The following ANKRD62 variants were observed in gnomAD, a reference collection of about 807,000 sequenced individuals.
ANKRD62 encodes ankyrin repeat domain-containing protein 62.
Under a neutral mutation model 98.8 loss-of-function variants are expected in ANKRD62, and 61 were observed. The observed-to-expected ratio is 0.62, with a 90% confidence interval of 0.50 to 0.76. ANKRD62 has a LOEUF of 0.76. Ranked by LOEUF, ANKRD62 falls within the 30% of genes least tolerant of loss-of-function variation. The pLI is 0.00. For missense variants in ANKRD62, 933 were observed against 1,082.9 expected (o/e 0.86, Z 1.94); for synonymous variants, 341 against 367.9 (o/e 0.93, Z 0.84).
At chr18:12,146,109 T>TAGCACAGCAC in the ANKRD62 span, among the ~76,000 whole-genome samples, 1 of 151,956 alleles carries the variant, frequency 6.6e-6, no homozygotes, top group Admixed American at 6.5e-5. Flanking sequence ...GTAGAAGTGG[T>TAGCACAGCAC]AGCACAGCAC....
chr18:12,099,798 A>G (rs1219867023), intron 6 of ANKRD62, 116 bp downstream of exon 6: 2 of 447,972 alleles, frequency 4.5e-6, no homozygotes, highest in Non-Finnish European at 7.4e-6. Flanking sequence ...AATTGAATGT[A>G]TATTTTTTAA....
At chr18:12,170,581 T>C in the ANKRD62 span, among the ~76,000 whole-genome samples, 17 of 152,348 alleles carry the variant, frequency 1.1e-4, no homozygotes, top group Non-Finnish European at 2.2e-4. Flanking sequence ...AAGTGCAATG[T>C]GGTGCTGAGA....
At chr18:12,110,358 C>T (rs1027241515) in intron 8 of ANKRD62, among the ~76,000 whole-genome samples, 3 of 152,052 alleles carry the variant, frequency 2.0e-5, no homozygotes, top group African/African-American at 4.8e-5. Flanking sequence ...TAAGCATGAG[C>T]AAAATGATAA....
the ANKRD62 span, among the ~76,000 whole-genome samples, chr18:12,141,552 A>G: frequency 4.6e-4 from 67 of 146,946 alleles, no homozygotes; most frequent in East Asian, 8.7e-3. Context: ...CAGCTCCTGT[A>G]TTATTCTATT....
At chr18:12,150,274 T>C in the ANKRD62 span, among the ~76,000 whole-genome samples, 1 of 152,038 alleles carries the variant, frequency 6.6e-6, no homozygotes, top group Non-Finnish European at 1.5e-5. Flanking sequence ...CCAAAAGACA[T>C]GAACAAAACC....
At position 12,096,266 on chromosome 18, in the gene ANKRD62, A is replaced by T; in HGVS notation, c.578A>T (p.Lys193Ile). ...KEQMVAFLLKKKPDLTAIDNF... is the reference protein window; with the variant it reads ...KEQMVAFLLKIKPDLTAIDNF... Reference sequence around the variant, plus strand: ...CAAATGGTGGCATTTTTGTTGAAGAAAAAACCAGATTTAACTGCAATAGAT... The same window carrying T: ...CAAATGGTGGCATTTTTGTTGAAGATAAAACCAGATTTAACTGCAATAGAT... The change falls in exon 4 of 14, where the codon AAA becomes ATA. Residue 193 changes from lysine (K) to isoleucine (I), a missense_variant. By Grantham distance (102) the Lys-to-Ile change is moderately radical. Coordinates refer to ENST00000587848, the MANE Select transcript of ANKRD62 (RefSeq NM_001277333.2). 2 of 1,534,818 alleles carry T rather than the reference A, an allele frequency of 1.3e-6. No individual in the cohort carries two copies. The highest frequency in any genetic ancestry group is 1.7e-6 in the Non-Finnish European group (2 of 1,145,604).
intron 10 of ANKRD62, among the ~76,000 whole-genome samples, chr18:12,118,673 A>G (rs1055941813): frequency 2.0e-5 from 3 of 151,312 alleles, no homozygotes; most frequent in South Asian, 2.1e-4. Context: ...ACTTGGTAAT[A>G]TGCATGTATG....
the ANKRD62 span, among the ~76,000 whole-genome samples, chr18:12,157,968 G>A: frequency 6.6e-6 from 1 of 152,202 alleles, no homozygotes; most frequent in African/African-American, 2.4e-5. Context: ...AAAGCAGGGA[G>A]GCTGTATTTT....
At chr18:12,103,614 T>A (rs1909354040) in intron 7 of ANKRD62, among the ~76,000 whole-genome samples, 3 of 152,232 alleles carry the variant, frequency 2.0e-5, no homozygotes, top group Admixed American at 2.0e-4. Flanking sequence ...AAATTTGCAG[T>A]TTTATATTAC....
chr18:12,161,892 G>A, the ANKRD62 span, among the ~76,000 whole-genome samples: 1 of 152,110 alleles, frequency 6.6e-6, no homozygotes. Flanking sequence ...CAACTCCATT[G>A]TGTATATGTA....
chr18:12,100,855 C>A (rs1352062604), intron 6 of ANKRD62, among the ~76,000 whole-genome samples: 1 of 152,122 alleles, frequency 6.6e-6, no homozygotes, highest in Admixed American at 6.6e-5. Context: ...CACTCTGTTA[C>A]CATTAGCTAA....
chr18:12,158,257 A>C, the ANKRD62 span, among the ~76,000 whole-genome samples: 1 of 151,946 alleles, frequency 6.6e-6, no homozygotes, highest in Non-Finnish European at 1.5e-5. Flanking sequence ...TGCTGATCAC[A>C]CCTCTTTGAA....
intron 11 of ANKRD62, 97 bp downstream of exon 11, chr18:12,122,613 T>C (rs1909804956): frequency 6.6e-6 from 7 of 1,068,700 alleles, no homozygotes; most frequent in African/African-American, 3.2e-5. Context: ...TAGGGTTTAA[T>C]AGAGAAGAAA....
intron 8 of ANKRD62, among the ~76,000 whole-genome samples, chr18:12,112,184 A>G (rs967099679): frequency 6.6e-6 from 1 of 151,882 alleles, no homozygotes; most frequent in Non-Finnish European, 1.5e-5. Context: ...CTATTAAACT[A>G]CCATTGACAT....
chr18:12,160,239 A>T, the ANKRD62 span, among the ~76,000 whole-genome samples: 4 of 152,306 alleles, frequency 2.6e-5, no homozygotes, highest in East Asian at 1.9e-4. Flanking sequence ...TCAACAGCGT[A>T]AGGACTAGAG....
the ANKRD62 span, among the ~76,000 whole-genome samples, chr18:12,150,263 A>G: frequency 6.6e-6 from 1 of 152,172 alleles, no homozygotes; most frequent in Non-Finnish European, 1.5e-5. Flanking sequence ...TATAAAAACA[A>G]CCAAAAGACA....
At chr18:12,171,431 A>C in the ANKRD62 span, among the ~76,000 whole-genome samples, 1 of 152,200 alleles carries the variant, frequency 6.6e-6, no homozygotes, top group Non-Finnish European at 1.5e-5. Context: ...TTCTGGGTTG[A>C]AAATTCTTTT....
intron 10 of ANKRD62, among the ~76,000 whole-genome samples, chr18:12,121,212 C>T (rs1295369901): frequency 4.6e-5 from 7 of 152,168 alleles, no homozygotes; most frequent in South Asian, 2.1e-4. Flanking sequence ...CTTATTGTCT[C>T]GAGCTTTGTT....
At chr18:12,111,869 A>G (rs190661952) in intron 8 of ANKRD62, among the ~76,000 whole-genome samples, 37 of 152,260 alleles carry the variant, frequency 2.4e-4, no homozygotes, top group Admixed American at 1.1e-3. Flanking sequence ...AAAGATCTCT[A>G]CAAGGAGAAC....
Sources: gnomAD v4.1 joint callset for allele counts (sites outside exome capture counted in the v4.1 genomes callset) on GRCh38, gnomAD v4.1.1 for gene constraint, MANE v1.5 for transcripts, NCBI Gene and HGNC (gene_info 2026-07-23, HGNC 2026-07-21) for gene names.